ELMO1: variants seen among roughly 807,000 people sequenced by gnomAD.
The protein encoded by ELMO1 is engulfment and cell motility 1, also known as engulfment and cell motility protein 1.
ELMO1 carries 26 observed loss-of-function variants against 98.9 expected under a neutral mutation model. The observed-to-expected ratio is 0.26, with a 90% confidence interval of 0.19 to 0.36. The LOEUF (loss-of-function observed/expected upper bound fraction) is 0.36, where lower values mean the gene tolerates loss of function less well. Among genes scored for constraint, ELMO1 ranks in the 10% least tolerant of loss-of-function variants. The probability of loss-of-function intolerance (pLI) is 1.00; values close to 1 mark genes in which losing one functional copy is unlikely to be tolerated. For missense variants in ELMO1, 627 were observed against 935.2 expected (o/e 0.67, Z 4.30); for synonymous variants, 346 against 346.0 (o/e 1.00, Z 0.00).
intron 15 of ELMO1, among the ~76,000 whole-genome samples, chr7:37,077,047 T>C (rs1191585138): frequency 6.6e-6 from 1 of 152,118 alleles, no homozygotes. Context: ...TCCAGTTCAG[T>C]ATGGTAGCCA....
intron 15 of ELMO1, among the ~76,000 whole-genome samples, chr7:37,024,520 G>C (rs1057441934): frequency 6.6e-6 from 1 of 152,180 alleles, no homozygotes; most frequent in Non-Finnish European, 1.5e-5. Context: ...ATGGATGAGT[G>C]ATGAACCAGG....
intron 6 of ELMO1, among the ~76,000 whole-genome samples, chr7:37,254,060 T>G (rs1189117803): frequency 1.3e-5 from 2 of 152,218 alleles, no homozygotes; most frequent in Non-Finnish European, 2.9e-5. Context: ...CTTTTTAATC[T>G]TAGCGAAAGA....
intron 16 of ELMO1, among the ~76,000 whole-genome samples, chr7:37,000,921 ATATATG>A (rs968091949): frequency 6.8e-6 from 1 of 146,086 alleles, no homozygotes; most frequent in South Asian, 2.2e-4. Flanking sequence ...ATATACATAT[ATATATG>A]TATATGTGTA....
At chr7:37,128,608 A>G (rs1786690139) in intron 14 of ELMO1, among the ~76,000 whole-genome samples, 1 of 152,182 alleles carries the variant, frequency 6.6e-6, no homozygotes, top group Non-Finnish European at 1.5e-5. Flanking sequence ...TTATTCAAAT[A>G]TAACATGAGA....
rs1181894323 is a variant in ELMO1, at chr7:37,292,474, C to T, written c.193-20592G>A. Among the ~76,000 whole-genome samples, 11 of 50,942 alleles carry T rather than the reference C, an allele frequency of 2.2e-4. 2 individuals carry two copies. Among genetic ancestry groups the T allele is most frequent in the African/African-American group, 4.7e-4 (11 of 23,376 alleles). The allele number at this position is 50,942 out of a possible 152,430, so 33.4% of individuals were successfully genotyped here. On this transcript the variant is annotated intron_variant, in intron 4 of 21. Coordinates refer to ENST00000310758, the MANE Select transcript of ELMO1 (RefSeq NM_014800.11). ...GTCTGGAAAGTGAGGAGCGTCTCTG[C>T]CTGGCCGCCATCCCATCTAGGAAGT...
At chr7:37,231,108 A>G (rs1402235722) in intron 8 of ELMO1, among the ~76,000 whole-genome samples, 4 of 152,164 alleles carry the variant, frequency 2.6e-5, no homozygotes, top group Non-Finnish European at 4.4e-5. Flanking sequence ...CCTTTTGCTC[A>G]TCCCCTTTGG....
intron 1 of ELMO1, among the ~76,000 whole-genome samples, chr7:37,405,177 G>A (rs1803704129): frequency 6.7e-6 from 1 of 148,154 alleles, no homozygotes; most frequent in Admixed American, 6.9e-5. Flanking sequence ...AATAAGGCAT[G>A]GATGCTTTTT....
intron 14 of ELMO1, among the ~76,000 whole-genome samples, chr7:37,131,869 C>A (rs1260624461): frequency 6.6e-6 from 1 of 152,136 alleles, no homozygotes; most frequent in Admixed American, 6.5e-5. Context: ...TATAGAACAA[C>A]ACACAGATTT....
chr7:37,395,835 A>T (rs1408555595), intron 1 of ELMO1, among the ~76,000 whole-genome samples: 1 of 152,234 alleles, frequency 6.6e-6, no homozygotes, highest in East Asian at 1.9e-4. Context: ...TTCCAAGTAA[A>T]ACTGTGTAGT....
chr7:37,273,942 T>C (rs1295602949), intron 4 of ELMO1, among the ~76,000 whole-genome samples: 1 of 152,220 alleles, frequency 6.6e-6, no homozygotes, highest in Non-Finnish European at 1.5e-5. Flanking sequence ...TTCAGGCCAG[T>C]ATTTCTTCCC....
At chr7:37,321,322 T>C (rs1173731904) in intron 2 of ELMO1, among the ~76,000 whole-genome samples, 1 of 152,218 alleles carries the variant, frequency 6.6e-6, no homozygotes, top group Non-Finnish European at 1.5e-5. Context: ...GGTACGTCTA[T>C]CTGTCCAATT....
At chr7:36,997,260 T>A (rs1297062354) in intron 16 of ELMO1, among the ~76,000 whole-genome samples, 1 of 152,170 alleles carries the variant, frequency 6.6e-6, no homozygotes, top group Admixed American at 6.5e-5. Flanking sequence ...TTAAGCTATT[T>A]CCAGGAGAGA....
Position 37,385,024 on chromosome 7 carries a change from G to A in ELMO1, c.-73-42261C>T, listed in dbSNP as rs138705438. Among the ~76,000 whole-genome samples the A allele has an allele frequency of 3.8e-4, 58 of 152,250 alleles. 3 individuals carry two copies. The highest frequency in any genetic ancestry group is 1.2e-3 in the African/African-American group (48 of 41,536). The stretch of plus-strand genomic sequence containing the variant: ...ACTTTGCTTTGAAGTTCTAAGAATC[G>A]TAAACACTGTCTAGGAATTACTTTA... On this transcript the variant is annotated intron_variant, in intron 1 of 21. Coordinates refer to ENST00000310758, the MANE Select transcript of ELMO1 (RefSeq NM_014800.11).
rs759681152 is a variant in ELMO1 at position 36,859,517 on chromosome 7, C to A, written c.1983+2142G>T. Among the ~76,000 whole-genome samples the A allele has an allele frequency of 6.6e-5, 10 of 152,138 alleles. 1 individual carries two copies. The highest frequency in any genetic ancestry group is 2.0e-4 in the Admixed American group (3 of 15,280). ...GAGTGATGGGCCTGCCAGGAATGTG[C>A]GAGCTCAGTGTCTGCTCTTTCTCTT... is the stretch of plus-strand genomic sequence containing the variant. On this transcript the variant is annotated intron_variant, in intron 21 of 21. Transcript: ENST00000310758.
chr7:37,301,287 A>G (rs1179244365), intron 4 of ELMO1, among the ~76,000 whole-genome samples: 15 of 151,846 alleles, frequency 9.9e-5, no homozygotes, highest in Non-Finnish European at 1.9e-4. Context: ...AGAAAGAAAA[A>G]TAAGCATTAG....
At chr7:36,956,545 T>C (rs1238753154) in intron 16 of ELMO1, among the ~76,000 whole-genome samples, 2 of 151,816 alleles carry the variant, frequency 1.3e-5, no homozygotes, top group Non-Finnish European at 2.9e-5. Context: ...AGACTGCATA[T>C]AAAAAAAAGG....
At chr7:37,281,445 TTC>T (rs1797137175) in intron 4 of ELMO1, among the ~76,000 whole-genome samples, 3 of 152,238 alleles carry the variant, frequency 2.0e-5, no homozygotes, top group Non-Finnish European at 4.4e-5. Context: ...GGGAAAGGGA[TTC>T]CATGAAAGCA....
chr7:37,148,302 A>T (rs1278315064), intron 13 of ELMO1, among the ~76,000 whole-genome samples: 2 of 152,218 alleles, frequency 1.3e-5, no homozygotes, highest in Admixed American at 6.5e-5. Flanking sequence ...ACACACACAC[A>T]CTCATAAATT....
chr7:37,220,009 A>G (rs1793506513), intron 10 of ELMO1, among the ~76,000 whole-genome samples: 1 of 152,236 alleles, frequency 6.6e-6, no homozygotes, highest in East Asian at 1.9e-4. Flanking sequence ...TATTTTACTT[A>G]GAACATAGAG....
Sources: gnomAD v4.1 joint callset for allele counts (sites outside exome capture counted in the v4.1 genomes callset) on GRCh38, gnomAD v4.1.1 for gene constraint, MANE v1.5 for transcripts, NCBI Gene and HGNC (gene_info 2026-07-23, HGNC 2026-07-21) for gene names.